Variants in SCMH1 observed in about 807,000 individuals in gnomAD.
The protein encoded by SCMH1 is polycomb protein SCMH1.
Under a neutral mutation model 70.8 loss-of-function variants are expected in SCMH1, and 37 were observed. The ratio of observed to expected loss-of-function variants is 0.52; its 90% CI spans 0.40 to 0.69. The LOEUF is 0.69. Ranked by LOEUF, SCMH1 falls within the 30% of genes least tolerant of loss-of-function variation. The pLI is 0.00. For missense variants in SCMH1, 607 were observed against 827.3 expected (o/e 0.73, Z 3.27); for synonymous variants, 292 against 307.4 (o/e 0.95, Z 0.52).
At chr1:41,195,254 T>C (rs1057223956) in intron 1 of SCMH1, among the ~76,000 whole-genome samples, 1 of 147,508 alleles carries the variant, frequency 6.8e-6, no homozygotes, top group Non-Finnish European at 1.5e-5. Flanking sequence ...CAGAAATGAA[T>C]GGGCATGGCT....
intron 6 of SCMH1, among the ~76,000 whole-genome samples, chr1:41,121,436 G>T (rs1437598466): frequency 6.6e-6 from 1 of 152,168 alleles, no homozygotes; most frequent in African/African-American, 2.4e-5. Context: ...AAGGGTTGGA[G>T]TCATAAACTT....
At chr1:41,034,911 C>A (rs138597146) in intron 13 of SCMH1, among the ~76,000 whole-genome samples, 1 of 152,234 alleles carries the variant, frequency 6.6e-6, no homozygotes, top group Non-Finnish European at 1.5e-5. Flanking sequence ...TCACTACCCA[C>A]TGTTCCACCC....
rs530088961 is a variant in SCMH1, at chr1:41,037,522, C to A, written c.1518G>T (p.Gly506=). Reference sequence around the variant, plus strand: ...GTTCCAAGGAGCGGGCCAGACTATTCCCCAGGACAAAGGTTTCACCTGAAA... The same window carrying A: ...GTTCCAAGGAGCGGGCCAGACTATTACCCAGGACAAAGGTTTCACCTGAAA... Residue 506 remains glycine (G), a synonymous_variant, in exon 13 of 15, where the codon GGG becomes GGT. Transcript: ENST00000337495. 6.2e-5 allele frequency: 100 copies of A among 1,614,058 alleles called. 1 individual carries two copies. The highest frequency in any genetic ancestry group is 3.7e-4 in the Admixed American group (22 of 60,000).
At chr1:41,205,429 C>T (rs909723270) in intron 1 of SCMH1, among the ~76,000 whole-genome samples, 1 of 152,234 alleles carries the variant, frequency 6.6e-6, no homozygotes, top group African/African-American at 2.4e-5. Flanking sequence ...CCCATGGAGC[C>T]TTGCTCACTG....
At chr1:41,090,779 C>T (rs1663192681) in intron 8 of SCMH1, among the ~76,000 whole-genome samples, 1 of 152,122 alleles carries the variant, frequency 6.6e-6, no homozygotes, top group Non-Finnish European at 1.5e-5. Context: ...GTGGCTCACG[C>T]CTGTAATCCC....
At chr1:41,034,461 G>A (rs1179372647) in intron 13 of SCMH1, among the ~76,000 whole-genome samples, 1 of 151,812 alleles carries the variant, frequency 6.6e-6, no homozygotes, top group Non-Finnish European at 1.5e-5. Context: ...CTGAGTAGCT[G>A]GGACTACAGG....
chr1:41,194,974 A>G (rs1652645636), intron 1 of SCMH1, among the ~76,000 whole-genome samples: 1 of 151,922 alleles, frequency 6.6e-6, no homozygotes, highest in African/African-American at 2.4e-5. Context: ...TCTACTAAAA[A>G]TACAAAATTA....
intron 1 of SCMH1, among the ~76,000 whole-genome samples, chr1:41,189,051 G>A (rs1650991281): frequency 6.6e-6 from 1 of 152,206 alleles, no homozygotes; most frequent in East Asian, 1.9e-4. Context: ...ACTCACTGTG[G>A]TGATGGAAGG....
At chr1:41,048,597 T>G in intron 11 of SCMH1, 93 bp downstream of exon 11, 2 of 1,114,046 alleles carry the variant, frequency 1.8e-6, no homozygotes, top group Non-Finnish European at 1.3e-6. Flanking sequence ...CCTGCAGGTA[T>G]GAAGTGGGAA....
chr1:41,071,352 C>G (rs1656430925), intron 9 of SCMH1, among the ~76,000 whole-genome samples: 1 of 152,070 alleles, frequency 6.6e-6, no homozygotes. Flanking sequence ...TAGTTTTTCT[C>G]TAATCATTGT....
chr1:41,080,124 AAT>A (rs925724412), intron 8 of SCMH1, among the ~76,000 whole-genome samples: 9 of 152,080 alleles, frequency 5.9e-5, no homozygotes, highest in African/African-American at 1.4e-4. Context: ...TTATTTACAT[AAT>A]ATATGAGTCT....
intron 1 of SCMH1, among the ~76,000 whole-genome samples, chr1:41,241,584 C>T (rs1178869990): frequency 6.6e-6 from 1 of 152,164 alleles, no homozygotes; most frequent in East Asian, 1.9e-4. Flanking sequence ...GGCATTCCCA[C>T]CTCTGGCGCC....
chr1:41,235,231 C>T (rs905470382), intron 1 of SCMH1, among the ~76,000 whole-genome samples: 1 of 152,066 alleles, frequency 6.6e-6, no homozygotes, highest in Non-Finnish European at 1.5e-5. Flanking sequence ...ATGATTCACC[C>T]TAATATTAGT....
intron 8 of SCMH1, among the ~76,000 whole-genome samples, chr1:41,085,660 A>G (rs1412449171): frequency 6.6e-6 from 1 of 152,204 alleles, no homozygotes; most frequent in African/African-American, 2.4e-5. Context: ...AGCACTTGCA[A>G]TGTGACTAGT....
In SCMH1 at chr1:41,148,584, G is replaced by GC. The variant is rs1354468532; in HGVS notation, c.177+3029dup. On this transcript the variant is annotated intron_variant, in intron 5 of 14. Transcript: ENST00000337495. The stretch of plus-strand genomic sequence containing the variant: ...CTTTCAAGGTGTTGTTCAATTTTGT[G>GC]CTTGCTTATATTGTTTCTGACAAGA... 1.2e-4 allele frequency among the ~76,000 whole-genome samples: 18 copies of GC among 152,094 alleles called. No individual in the cohort carries two copies. The East Asian group carries it at 3.5e-3, about 29-fold the overall frequency.
At chr1:41,101,819 CACAGAAG>C (rs1666718297) in intron 8 of SCMH1, among the ~76,000 whole-genome samples, 2 of 152,000 alleles carry the variant, frequency 1.3e-5, no homozygotes, top group African/African-American at 4.8e-5. Flanking sequence ...ACACTGGACT[CACAGAAG>C]TTAAAAGACT....
Position 41,198,629 on chromosome 1 carries a change from T to C in SCMH1, c.-117-12379A>G, listed in dbSNP as rs757573566. 2.6e-5 allele frequency among the ~76,000 whole-genome samples: 4 copies of C among 152,362 alleles called. No homozygotes were observed. In the South Asian group the frequency reaches 8.3e-4, roughly 32 times the overall value. ...AAAAACAATAAGCATGGTTCTCTTT[T>C]AGCAACAAGAACCCAAGGAAAAACT... On this transcript the variant is annotated intron_variant, in intron 1 of 14. Coordinates refer to ENST00000337495, the Ensembl canonical transcript of SCMH1.
intron 1 of SCMH1, among the ~76,000 whole-genome samples, chr1:41,195,824 C>T (rs12026156): frequency 0.46 from 70,423 of 151,890 alleles, 18,055 homozygotes; most frequent in Admixed American, 0.6. Flanking sequence ...TTCTACAGAT[C>T]CCACAAAAAA....
chr1:41,088,096 A>G (rs1244302479), intron 8 of SCMH1, among the ~76,000 whole-genome samples: 1 of 152,130 alleles, frequency 6.6e-6, no homozygotes, highest in Non-Finnish European at 1.5e-5. Context: ...GAACTTGCAA[A>G]GGAGTGACTC....
Sources: gnomAD v4.1 joint callset for allele counts (sites outside exome capture counted in the v4.1 genomes callset) on GRCh38, gnomAD v4.1.1 for gene constraint, MANE v1.5 for transcripts, NCBI Gene and HGNC (gene_info 2026-07-23, HGNC 2026-07-21) for gene names.